Variants in DPP10 observed in about 807,000 individuals in gnomAD.
DPP10 encodes dipeptidyl peptidase like 10.
In DPP10, 33 loss-of-function variants were observed where a neutral mutation model predicts 120.9. The observed-to-expected ratio is 0.27, with a 90% confidence interval of 0.21 to 0.37. The LOEUF (loss-of-function observed/expected upper bound fraction) is 0.37. Among genes scored for constraint, DPP10 ranks in the 10% least tolerant of loss-of-function variants. DPP10 has a pLI of 1.00. For missense variants in DPP10, 816 were observed against 942.8 expected (o/e 0.87, Z 1.76); for synonymous variants, 337 against 326.1 (o/e 1.03, Z -0.36).
At chr2:115,327,176 C>A (rs1368090386) in intron 2 of DPP10, among the ~76,000 whole-genome samples, 1 of 152,010 alleles carries the variant, frequency 6.6e-6, no homozygotes, top group African/African-American at 2.4e-5. Flanking sequence ...CACTAACAGG[C>A]AGTACAGGTT....
intron 2 of DPP10, among the ~76,000 whole-genome samples, chr2:115,334,228 C>CTTTTTTTTTTTTTTTTTTTTTTTTTTTT (rs1393213758): frequency 9.0e-5 from 2 of 22,318 alleles, no homozygotes; most frequent in Non-Finnish European, 2.6e-4. Flanking sequence ...AGAGCAGACT[C>CTTTTTTTTTTTTTTTTTTTTTTTTTTTT]TGTTTTTTTT....
At chr2:115,532,827 T>C (rs973193483) in intron 5 of DPP10, among the ~76,000 whole-genome samples, 5 of 151,944 alleles carry the variant, frequency 3.3e-5, no homozygotes, top group African/African-American at 1.2e-4. Context: ...TAAATTATTT[T>C]TTCAGCATTC....
At chr2:115,343,684 C>T (rs2063559135) in intron 2 of DPP10, 133 bp from the exon 3 acceptor site, 4 of 456,360 alleles carry the variant, frequency 8.8e-6, no homozygotes, top group Non-Finnish European at 1.5e-5. Context: ...TGCCAAAAAC[C>T]ATGTCAAAAT....
At chr2:114,795,661 A>G (rs555120137) in intron 1 of DPP10, among the ~76,000 whole-genome samples, 1 of 152,286 alleles carries the variant, frequency 6.6e-6, no homozygotes, top group East Asian at 1.9e-4. Context: ...CAATAAATAT[A>G]TTTTTAAATG....
intron 19 of DPP10, among the ~76,000 whole-genome samples, chr2:115,792,621 A>C (rs1002844644): frequency 1.3e-5 from 2 of 151,640 alleles, no homozygotes; most frequent in African/African-American, 4.8e-5. Context: ...TTCTTAATTC[A>C]TTGTTTTTTT....
intron 1 of DPP10, among the ~76,000 whole-genome samples, chr2:115,156,663 G>A (rs1559156625): frequency 3.9e-5 from 6 of 152,126 alleles, no homozygotes; most frequent in East Asian, 3.9e-4. Context: ...CAGTAATATC[G>A]TACTTTTCAA....
chr2:114,827,445 T>C (rs1021686554), intron 1 of DPP10, among the ~76,000 whole-genome samples: 6 of 152,134 alleles, frequency 3.9e-5, no homozygotes, highest in African/African-American at 1.4e-4. Context: ...CCATGACTCA[T>C]GGGGACAAGA....
chr2:115,533,908 G>C lies in DPP10; in HGVS notation c.441+7936G>C, dbSNP rs369428188. Among the ~76,000 whole-genome samples, 5 of 151,930 alleles carry C rather than the reference G, an allele frequency of 3.3e-5. No homozygotes were observed. In the East Asian group the frequency reaches 9.7e-4, roughly 30 times the overall value. On this transcript the variant is annotated intron_variant, in intron 5 of 25. Transcript: ENST00000410059. ...ATATTAAGGCATTAAAAATAAGTTA[G>C]TATCAATTTTGGAATATTTCTTTTG... is the stretch of plus-strand genomic sequence containing the variant.
rs1421631622 is a variant in DPP10 at position 115,557,196 on chromosome 2, G to A, written c.441+31224G>A. Among the ~76,000 whole-genome samples the A allele has an allele frequency of 1.1e-4, 16 of 152,132 alleles. No homozygotes were observed. In the East Asian group the frequency reaches 2.7e-3, roughly 26 times the overall value. On this transcript the variant is annotated intron_variant, in intron 5 of 25. Coordinates refer to ENST00000410059, the MANE Select transcript of DPP10 (RefSeq NM_020868.6). The stretch of plus-strand genomic sequence containing the variant: ...CTCTCTGTACATACTGAATTTCTAG[G>A]TGTAATAAAATGCGGTCAGAAAGAG...
intron 1 of DPP10, among the ~76,000 whole-genome samples, chr2:114,890,831 G>A (rs938246398): frequency 2.0e-5 from 3 of 151,924 alleles, no homozygotes; most frequent in African/African-American, 7.3e-5. Flanking sequence ...AAATGCTGTC[G>A]CTCTACATAG....
chr2:114,531,595 T>G (rs1301462495), intron 1 of DPP10, among the ~76,000 whole-genome samples: 1 of 145,202 alleles, frequency 6.9e-6, no homozygotes, highest in Admixed American at 6.9e-5. Flanking sequence ...ACAGATAAAA[T>G]GAATACATAT....
intron 1 of DPP10, among the ~76,000 whole-genome samples, chr2:115,038,427 C>T (rs1027294596): frequency 3.3e-5 from 5 of 151,852 alleles, no homozygotes; most frequent in Admixed American, 1.3e-4. Flanking sequence ...CCCGCCACCA[C>T]GCCCGGCTAA....
Position 115,087,924 on chromosome 2 carries a change from G to A in DPP10, c.61-221315G>A, listed in dbSNP as rs148724653. On this transcript the variant is annotated intron_variant, in intron 1 of 25. Transcript: ENST00000410059. ...GGTGGTGTCTTGGTTGATTTGAGCCGCTGTAACAAAATACCATAGACTTGG... is the reference window on the plus strand; with the variant it reads ...GGTGGTGTCTTGGTTGATTTGAGCCACTGTAACAAAATACCATAGACTTGG... Among the ~76,000 whole-genome samples the A allele has an allele frequency of 1.3e-3, 203 of 152,206 alleles. 1 individual carries two copies. The highest frequency in any genetic ancestry group is 6.8e-3 in the Middle Eastern group (2 of 294).
intron 1 of DPP10, among the ~76,000 whole-genome samples, chr2:114,697,515 C>T (rs1004966920): frequency 2.0e-5 from 3 of 151,822 alleles, no homozygotes; most frequent in African/African-American, 7.3e-5. Flanking sequence ...CTTTGGGAGG[C>T]CGAGGAGGGT....
At chr2:115,091,015 A>G (rs1429428086) in intron 1 of DPP10, among the ~76,000 whole-genome samples, 1 of 152,212 alleles carries the variant, frequency 6.6e-6, no homozygotes, top group Non-Finnish European at 1.5e-5. Context: ...GGCAGTGCTC[A>G]TCCAAGATGG....
At chr2:115,688,084 C>T (rs2091106581) in intron 5 of DPP10, among the ~76,000 whole-genome samples, 1 of 151,874 alleles carries the variant, frequency 6.6e-6, no homozygotes, top group East Asian at 1.9e-4. Flanking sequence ...TCACATTTCT[C>T]ATCTTTTTGT....
intron 5 of DPP10, among the ~76,000 whole-genome samples, chr2:115,642,813 A>G (rs1391635901): frequency 6.6e-6 from 1 of 152,052 alleles, no homozygotes; most frequent in Non-Finnish European, 1.5e-5. Context: ...TTCTGATTAT[A>G]GATTTAATAT....
chr2:114,675,556 AAATGAACCACAT>A (rs1476590128), intron 1 of DPP10, among the ~76,000 whole-genome samples: 1 of 152,136 alleles, frequency 6.6e-6, no homozygotes, highest in Non-Finnish European at 1.5e-5. Flanking sequence ...TCACGATAAC[AAATGAACCACAT>A]AATGAAGATA....
rs957415448 is a variant in DPP10, at chr2:115,842,722, C to T, written c.*377C>T. On this transcript the variant is annotated 3_prime_UTR_variant, in exon 26 of 26. Coordinates refer to ENST00000410059, the MANE Select transcript of DPP10 (RefSeq NM_020868.6). ...ATATAATGCACAATCTATCATCTGT[C>T]CTACAGTCCCTGATCTTTCATGGCT... 1 of 159,710 alleles carries T rather than the reference C, an allele frequency of 6.3e-6. No individual in the cohort carries two copies. The highest frequency in any genetic ancestry group is 1.4e-5 in the Non-Finnish European group (1 of 72,636). 9.9% of individuals were successfully genotyped at this position (159,710 alleles called of 1,614,324 possible). A position where few individuals can be genotyped will look rare whatever the true frequency, so the allele number is the denominator to read the frequency against.
Sources: allele counts gnomAD v4.1 joint callset (sites outside exome capture counted in the v4.1 genomes callset), GRCh38; gene constraint gnomAD v4.1.1; transcripts MANE v1.5; gene names NCBI Gene and HGNC (gene_info 2026-07-23, HGNC 2026-07-21).